The following USP39 variants were observed in gnomAD, a reference collection of about 807,000 sequenced individuals.
USP39 encodes ubiquitin specific peptidase 39.
In USP39, 38 loss-of-function variants were observed where a neutral mutation model predicts 66.4. The ratio of observed to expected loss-of-function variants is 0.57; its 90% CI spans 0.44 to 0.75. The LOEUF (loss-of-function observed/expected upper bound fraction) is 0.75, where lower values mean the gene tolerates loss of function less well. Ranked by LOEUF, USP39 falls within the 30% of genes least tolerant of loss-of-function variation. USP39 has a pLI of 0.00. For missense variants in USP39, 608 were observed against 714.4 expected, an observed-to-expected ratio of 0.85 and a Z score of 1.70; for synonymous variants, 303 against 274.6, an observed-to-expected ratio of 1.10 and a Z score of -1.02.
intron 10 of USP39, among the ~76,000 whole-genome samples, chr2:85,642,602 T>A (rs1676317647): frequency 6.6e-6 from 1 of 152,242 alleles, no homozygotes; most frequent in Non-Finnish European, 1.5e-5. Flanking sequence ...AGAAAAAGAT[T>A]GTTTCTTAAC....
chr2:85,647,069 G>A (rs1472123074), intron 11 of USP39, among the ~76,000 whole-genome samples: 1 of 151,832 alleles, frequency 6.6e-6, no homozygotes, highest in East Asian at 1.9e-4. Context: ...TTGTATTTTT[G>A]GTAGAGACGG....
intron 11 of USP39, chr2:85,645,381 G>A (rs1676564747): frequency 3.0e-5 from 7 of 231,730 alleles, no homozygotes; most frequent in Admixed American, 1.1e-4. Context: ...GGTTCAAGCA[G>A]TTCTCTGCCT....
At chr2:85,638,145 C>T (rs1027466866) in intron 8 of USP39, among the ~76,000 whole-genome samples, 3 of 152,108 alleles carry the variant, frequency 2.0e-5, no homozygotes, top group African/African-American at 7.2e-5. Flanking sequence ...CCTCAGCCTC[C>T]GAAGTAGCTG....
In USP39 at chr2:85,649,196, T is replaced by C; in HGVS notation, c.*388T>C. 1 of 175,870 alleles carries C rather than the reference T, an allele frequency of 5.7e-6. No individual in the cohort carries two copies. Among genetic ancestry groups the C allele is most frequent in the Non-Finnish European group, 1.2e-5 (1 of 84,020 alleles). 10.9% of individuals were successfully genotyped at this position (175,870 alleles called of 1,614,324 possible). ...AAGCAGAAAGCCAGTAACTTCGCTC[T>C]GTTAGAGGTGGAGGATTTTCCTATG... On this transcript the variant is annotated 3_prime_UTR_variant, in exon 13 of 13. Transcript: ENST00000323701.
intron 5 of USP39, among the ~76,000 whole-genome samples, chr2:85,627,611 G>A (rs1674972648): frequency 6.6e-6 from 1 of 151,208 alleles, no homozygotes; most frequent in African/African-American, 2.4e-5. Context: ...GCAACATAGC[G>A]AGACCCTGTC....
chr2:85,648,845 C>T lies in USP39; in HGVS notation c.*37C>T. The T allele has an allele frequency of 6.2e-7, 1 of 1,612,002 alleles. No homozygotes were observed. The highest frequency in any genetic ancestry group is 8.5e-7 in the Non-Finnish European group (1 of 1,178,916). Reference sequence around the variant, plus strand: ...AGGGCTTTGCTCCCAAGGGCTGTGGCTGATGATGGTAAATAAGAACACAGA... The same window carrying T: ...AGGGCTTTGCTCCCAAGGGCTGTGGTTGATGATGGTAAATAAGAACACAGA... On this transcript the variant is annotated 3_prime_UTR_variant, in exon 13 of 13. Coordinates refer to ENST00000323701, the MANE Select transcript of USP39 (RefSeq NM_006590.4).
At position 85,622,306 on chromosome 2, in the gene USP39, A is replaced by G. The variant is rs374248476; in HGVS notation, c.433+727A>G. Among the ~76,000 whole-genome samples the G allele has an allele frequency of 2.4e-4, 37 of 151,778 alleles. 3 individuals carry two copies. Among genetic ancestry groups the G allele is most frequent in the African/African-American group, 8.7e-4 (36 of 41,372 alleles). On this transcript the variant is annotated intron_variant, in intron 3 of 12. Transcript: ENST00000323701. ...CCGGCTAATTTTAGTATTTTTTAGT[A>G]GAGAGGGGGTTTCACCATATTGGCC...
rs71411831 is a variant in USP39, at chr2:85,621,327, G to A, written c.339-158G>A. 8.8e-3 allele frequency: 5,288 copies of A among 601,758 alleles called. 25 individuals carry two copies. The highest frequency in any genetic ancestry group is 0.014 in the Non-Finnish European group (4,633 of 339,008). The allele number at this position is 601,758 out of a possible 1,614,324, so 37.3% of individuals were successfully genotyped here. ...GTGCTTTGGAGCATGGCGGGTGGAG[G>A]TGAGGAATAATCAGTGTCCCCCATG... On this transcript the variant is annotated intron_variant, in intron 2 of 12. Transcript: ENST00000323701.
rs183606899 is a variant in USP39 at position 85,618,285 on chromosome 2, C to T, written c.269-935C>T. On this transcript the variant is annotated intron_variant, in intron 1 of 12. Coordinates refer to ENST00000323701, the MANE Select transcript of USP39 (RefSeq NM_006590.4). ...TTAAACTACGTAGTACATTTGTGGC[C>T]GGGCGCAGTGGCTCACGCCTGTAAT... Among the ~76,000 whole-genome samples the T allele has an allele frequency of 1.2e-3, 174 of 149,540 alleles. 2 individuals carry two copies. Among genetic ancestry groups the T allele is most frequent in the East Asian group, 9.4e-3 (43 of 4,576 alleles).
At chr2:85,625,455 T>C in intron 4 of USP39, 84 bp from the exon 5 acceptor site, 1 of 1,575,044 alleles carries the variant, frequency 6.3e-7, no homozygotes, top group Non-Finnish European at 8.7e-7. Context: ...GCCAAGTGTT[T>C]TTTGTTTTTG....
Position 85,648,754 on chromosome 2 carries a change from C to T in USP39, c.1651-7C>T, listed in dbSNP as rs1676835427. Reference sequence around the variant, plus strand: ...TAGACTTCAGTTTGTGTTTTCATTTCTTACAGATTTGGAAGAGGCGAGATA... The same window carrying T: ...TAGACTTCAGTTTGTGTTTTCATTTTTTACAGATTTGGAAGAGGCGAGATA... On this transcript the variant is annotated splice_polypyrimidine_tract_variant and splice_region_variant and intron_variant, in intron 12 of 12. Coordinates refer to ENST00000323701, the MANE Select transcript of USP39 (RefSeq NM_006590.4). 1 of 1,613,884 alleles carries T rather than the reference C, an allele frequency of 6.2e-7. No individual in the cohort carries two copies. The highest frequency in any genetic ancestry group is 8.5e-7 in the Non-Finnish European group (1 of 1,179,942).
At chr2:85,642,898 C>T (rs1049665547) in intron 10 of USP39, among the ~76,000 whole-genome samples, 5 of 151,896 alleles carry the variant, frequency 3.3e-5, no homozygotes, top group Non-Finnish European at 5.9e-5. Context: ...GGTAATTAGC[C>T]ATTCTCTTAA....
At chr2:85,609,302 C>T (rs1402344175), upstream of USP39, 42 of 1,360,858 alleles carry the variant, frequency 3.1e-5, no homozygotes, top group African/African-American at 4.2e-4. Context: ...AAGCACTGCC[C>T]GGCAGGCCTA....
At chr2:85,631,110 G>A (rs1270953374) in intron 6 of USP39, among the ~76,000 whole-genome samples, 164 bp downstream of exon 6, 3 of 152,012 alleles carry the variant, frequency 2.0e-5, no homozygotes, top group Admixed American at 6.6e-5. Flanking sequence ...CACTTCCAGG[G>A]TTCAAGCGAT....
intron 2 of USP39, 149 bp from the exon 3 acceptor site, chr2:85,621,335 TA>T: frequency 1.6e-6 from 1 of 623,156 alleles, no homozygotes; most frequent in Non-Finnish European, 2.8e-6. Context: ...AGGTGAGGAA[TA>T]ATCAGTGTCC....
intron 10 of USP39, 89 bp downstream of exon 10, chr2:85,641,207 T>C: frequency 1.3e-6 from 2 of 1,528,904 alleles, no homozygotes; most frequent in African/African-American, 1.4e-5. Context: ...TTGGACTGTC[T>C]TAGTTGGGGA....
chr2:85,646,922 C>T (rs954425003), intron 11 of USP39, among the ~76,000 whole-genome samples: 1 of 141,130 alleles, frequency 7.1e-6, no homozygotes, highest in African/African-American at 2.7e-5. Flanking sequence ...GAGTCTCACC[C>T]TATCACCCAG....
chr2:85,626,616 A>T (rs1359701002), intron 5 of USP39, among the ~76,000 whole-genome samples: 1 of 152,212 alleles, frequency 6.6e-6, no homozygotes, highest in Non-Finnish European at 1.5e-5. Flanking sequence ...TTTTTAAAAA[A>T]ATGGTGTAGA....
intron 4 of USP39, among the ~76,000 whole-genome samples, chr2:85,624,300 T>A (rs906657006): frequency 6.6e-6 from 1 of 152,040 alleles, no homozygotes; most frequent in Non-Finnish European, 1.5e-5. Context: ...ATTATTTTCC[T>A]TTTCAGCACG....
Sources: gnomAD v4.1 joint callset for allele counts (sites outside exome capture counted in the v4.1 genomes callset) on GRCh38, gnomAD v4.1.1 for gene constraint, MANE v1.5 for transcripts, NCBI Gene and HGNC (gene_info 2026-07-23, HGNC 2026-07-21) for gene names.